Variants in CNOT4 observed in about 807,000 individuals in gnomAD.
CNOT4 encodes the protein CCR4-NOT transcription complex subunit 4.
CNOT4 carries 8 observed loss-of-function variants against 73.8 expected under a neutral mutation model. The ratio of observed to expected loss-of-function variants is 0.11; its 90% confidence interval spans 0.06 to 0.20. The LOEUF is 0.20. Ranked by LOEUF, CNOT4 falls within the 10% of genes least tolerant of loss-of-function variation. The pLI is 1.00. For missense variants in CNOT4, 564 were observed against 883.4 expected (o/e 0.64, Z 4.58); for synonymous variants, 293 against 321.1 (o/e 0.91, Z 0.94).
chr7:135,380,392 TTC>T (rs534361522), intron 10 of CNOT4, among the ~76,000 whole-genome samples: 35 of 152,354 alleles, frequency 2.3e-4, no homozygotes, highest in African/African-American at 8.2e-4. Flanking sequence ...ACTCTTTTAG[TTC>T]TGACACTGGT....
intron 7 of CNOT4, among the ~76,000 whole-genome samples, chr7:135,409,949 C>T (rs1563032302): frequency 6.6e-6 from 1 of 151,990 alleles, no homozygotes; most frequent in Non-Finnish European, 1.5e-5. Flanking sequence ...TAAGCATTGA[C>T]ACAATATAGT....
At chr7:135,407,966 G>A (rs960770936) in intron 7 of CNOT4, among the ~76,000 whole-genome samples, 6 of 152,078 alleles carry the variant, frequency 3.9e-5, no homozygotes, top group African/African-American at 1.4e-4. Flanking sequence ...AATAAAACAT[G>A]GGAAACATAA....
chr7:135,415,329 G>C (rs936083172), intron 3 of CNOT4, 67 bp from the exon 4 acceptor site: 17 of 779,924 alleles, frequency 2.2e-5, no homozygotes, highest in Non-Finnish European at 3.7e-5. Flanking sequence ...TTATAATGGA[G>C]ACATTCATCA....
At chr7:135,497,769 T>G (rs1469936968) in intron 1 of CNOT4, among the ~76,000 whole-genome samples, 2 of 152,210 alleles carry the variant, frequency 1.3e-5, no homozygotes. Context: ...CATTACTCTC[T>G]GATTCAAGGG....
chr7:135,453,846 A>ATAT (rs901694822), intron 1 of CNOT4, among the ~76,000 whole-genome samples: 3 of 123,268 alleles, frequency 2.4e-5, no homozygotes, highest in African/African-American at 8.6e-5. Context: ...ATATATATAT[A>ATAT]TTATATATAT....
At chr7:135,466,774 T>C (rs1801251892) in intron 1 of CNOT4, among the ~76,000 whole-genome samples, 1 of 152,216 alleles carries the variant, frequency 6.6e-6, no homozygotes, top group Non-Finnish European at 1.5e-5. Context: ...TTTAGATATG[T>C]ATAATACACA....
chr7:135,440,394 A>G (rs962831684), intron 1 of CNOT4, among the ~76,000 whole-genome samples: 2 of 151,812 alleles, frequency 1.3e-5, no homozygotes, highest in Admixed American at 1.3e-4. Flanking sequence ...GTAGAGAAGT[A>G]GAGAGGATCA....
At chr7:135,417,957 A>G (rs865982865) in intron 3 of CNOT4, among the ~76,000 whole-genome samples, 2 of 152,302 alleles carry the variant, frequency 1.3e-5, no homozygotes, top group Middle Eastern at 6.8e-3. Flanking sequence ...AGCACACAAC[A>G]CTTCTCATAT....
intron 2 of CNOT4, among the ~76,000 whole-genome samples, chr7:135,431,167 A>G (rs1265442747): frequency 1.3e-5 from 2 of 152,194 alleles, no homozygotes; most frequent in African/African-American, 4.8e-5. Flanking sequence ...GGGAAGGCTG[A>G]GACAGAAGTA....
At chr7:135,397,512 G>C (rs952094182) in intron 8 of CNOT4, among the ~76,000 whole-genome samples, 1 of 151,690 alleles carries the variant, frequency 6.6e-6, no homozygotes, top group South Asian at 2.1e-4. Flanking sequence ...CATAAATACT[G>C]TGGAGGACTG....
intron 10 of CNOT4, chr7:135,387,999 C>T (rs1796206775): frequency 1.0e-6 from 1 of 984,174 alleles, no homozygotes; most frequent in Non-Finnish European, 1.2e-6. Context: ...AACAATGTTA[C>T]ACTACTATGG....
intron 10 of CNOT4, 120 bp downstream of exon 10, chr7:135,393,793 ACTAAT>A (rs1796525316): frequency 1.5e-6 from 1 of 673,052 alleles, no homozygotes; most frequent in Non-Finnish European, 2.6e-6. Context: ...TATGATAAAG[ACTAAT>A]CTTTCATAGA....
At chr7:135,469,078 AG>A (rs1563068374) in intron 1 of CNOT4, among the ~76,000 whole-genome samples, 1 of 152,170 alleles carries the variant, frequency 6.6e-6, no homozygotes, top group Non-Finnish European at 1.5e-5. Context: ...ATCTGTCAGG[AG>A]GATAGATAAT....
intron 1 of CNOT4, among the ~76,000 whole-genome samples, chr7:135,509,339 G>A (rs1016105860): frequency 1.3e-5 from 2 of 152,108 alleles, no homozygotes; most frequent in Non-Finnish European, 2.9e-5. Flanking sequence ...CTGATTGCAA[G>A]CACCAGAGGG....
At chr7:135,388,169 T>A in intron 10 of CNOT4, 2 of 985,242 alleles carry the variant, frequency 2.0e-6, no homozygotes, top group Non-Finnish European at 2.4e-6. Flanking sequence ...TAACCATCTA[T>A]GCATAATTAA....
At chr7:135,438,104 CA>C in intron 2 of CNOT4, 53 bp downstream of exon 2, 1 of 1,004,262 alleles carries the variant, frequency 1.0e-6, no homozygotes, top group South Asian at 1.5e-5. Context: ...TACATGGCAG[CA>C]AAAAACTATA....
At chr7:135,507,321 GC>G (rs1804442761) in intron 1 of CNOT4, among the ~76,000 whole-genome samples, 2 of 152,160 alleles carry the variant, frequency 1.3e-5, no homozygotes, top group South Asian at 4.1e-4. Context: ...ACTCAACCTG[GC>G]AGAAAGTATT....
At chr7:135,433,248 T>G (rs1563047553) in intron 2 of CNOT4, among the ~76,000 whole-genome samples, 2 of 152,144 alleles carry the variant, frequency 1.3e-5, no homozygotes, top group Admixed American at 6.5e-5. Flanking sequence ...CTTCTCAACT[T>G]CATCTTCCAA....
At chr7:135,498,031 C>T (rs538848357) in intron 1 of CNOT4, among the ~76,000 whole-genome samples, 4 of 152,300 alleles carry the variant, frequency 2.6e-5, no homozygotes, top group Non-Finnish European at 5.9e-5. Context: ...ATTTATTCCA[C>T]ACAACAATCC....
Sources: gnomAD v4.1 joint callset for allele counts (sites outside exome capture counted in the v4.1 genomes callset) on GRCh38, gnomAD v4.1.1 for gene constraint, MANE v1.5 for transcripts, NCBI Gene and HGNC (gene_info 2026-07-23, HGNC 2026-07-21) for gene names.